The following WDR1 variants were observed in gnomAD, a reference collection of about 807,000 sequenced individuals.
WDR1 encodes the protein WD repeat-containing protein 1.
In WDR1, 21 loss-of-function variants were observed where a neutral mutation model predicts 71.9. The observed-to-expected ratio is 0.29, with a 90% CI of 0.21 to 0.42. The LOEUF (loss-of-function observed/expected upper bound fraction) is 0.42, where lower values mean the gene tolerates loss of function less well. Ranked by LOEUF, WDR1 falls within the 10% of genes least tolerant of loss-of-function variation. The pLI is 1.00. For missense variants in WDR1, 696 were observed against 824.5 expected (o/e 0.84, Z 1.91); for synonymous variants, 424 against 347.4 (o/e 1.22, Z -2.45).
chr4:10,115,824 C>G, intron 2 of WDR1: 2 of 367,030 alleles, frequency 5.4e-6, no homozygotes, highest in Non-Finnish European at 5.1e-6. Flanking sequence ...CCAGGCCTGA[C>G]CGTGCTTAGC....
chr4:10,110,294 TAAC>T (rs952102696), intron 2 of WDR1, among the ~76,000 whole-genome samples: 1 of 152,144 alleles, frequency 6.6e-6, no homozygotes, highest in African/African-American at 2.4e-5. Context: ...CAGCTGTCCC[TAAC>T]AAGGGCCTTG....
At chr4:10,093,043 C>T (rs1712100043) in intron 5 of WDR1, 3 of 1,289,080 alleles carry the variant, frequency 2.3e-6, no homozygotes, top group Non-Finnish European at 3.0e-6. Context: ...TCCCTCTCAC[C>T]ACCGAGGAAA....
chr4:10,104,455 G>C (rs1712900651), intron 2 of WDR1, among the ~76,000 whole-genome samples: 1 of 152,186 alleles, frequency 6.6e-6, no homozygotes, highest in Non-Finnish European at 1.5e-5. Flanking sequence ...GCTGTGCTGT[G>C]CAGGAGCAGA....
rs1050478315 is a variant in WDR1 at position 10,093,231 on chromosome 4, C to T, written c.558+4480G>A. On this transcript the variant is annotated intron_variant, in intron 5 of 14. Transcript: ENST00000499869. ...CCATTCCCCCCAGCCTCAGCTGACC[C>T]TGTACACAAGAGGACCACAAGCCCA... is the stretch of plus-strand genomic sequence containing the variant. 1.0e-5 allele frequency: 11 copies of T among 1,094,794 alleles called. No individual in the cohort carries two copies. In the African/African-American group the frequency reaches 1.8e-4, roughly 18 times the overall value. The allele number at this position is 1,094,794 out of a possible 1,614,324, so 67.8% of individuals were successfully genotyped here.
At chr4:10,082,985 G>T in intron 10 of WDR1, 37 bp downstream of exon 10, 1 of 1,583,164 alleles carries the variant, frequency 6.3e-7, no homozygotes, top group Non-Finnish European at 8.6e-7. Flanking sequence ...GGGAGCTGAG[G>T]CTCATCCGGA....
chr4:10,110,197 A>G (rs1408780296), intron 2 of WDR1, among the ~76,000 whole-genome samples: 1 of 152,194 alleles, frequency 6.6e-6, no homozygotes, highest in African/African-American at 2.4e-5. Flanking sequence ...CCACAGGTCT[A>G]AGGAGCAGGC....
At chr4:10,109,169 C>CA (rs1266470855) in intron 2 of WDR1, among the ~76,000 whole-genome samples, 1 of 152,268 alleles carries the variant, frequency 6.6e-6, no homozygotes, top group Non-Finnish European at 1.5e-5. Flanking sequence ...TCCCACATGA[C>CA]AAAGAAACCA....
At chr4:10,091,595 A>G (rs923443823) in intron 5 of WDR1, 1 of 152,344 alleles carries the variant, frequency 6.6e-6, no homozygotes, top group African/African-American at 2.4e-5. Flanking sequence ...GGCCTTGGGC[A>G]GCTGCTCAGC....
chr4:10,078,341 C>T (rs181260626), intron 12 of WDR1, among the ~76,000 whole-genome samples: 28 of 152,324 alleles, frequency 1.8e-4, no homozygotes, highest in African/African-American at 6.5e-4. Context: ...TTCTACAGAG[C>T]ACTCAGGACT....
At chr4:10,100,942 G>A (rs1250185521) in intron 3 of WDR1, among the ~76,000 whole-genome samples, 2 of 152,224 alleles carry the variant, frequency 1.3e-5, no homozygotes, top group East Asian at 3.9e-4. Flanking sequence ...GCCCATCCAG[G>A]GCCCATGCTG....
At position 10,083,022 on chromosome 4, in the gene WDR1, C is replaced by G; in HGVS notation, c.1196G>C (p.Ser399Thr). ...RYTSLMLRDY[S>T]GQGVVKLDVQ... is the part of the protein sequence containing the mutation. ...CCCCCGCAGACCCGAGTGCTCTCAC[C>G]TGTAGTCCCGCAGCATGAGGCTGGT... is the stretch of plus-strand genomic sequence containing the variant. Residue 399 changes from serine (S) to threonine (T), a missense_variant and splice_region_variant, in exon 10 of 15, where the codon AGC becomes ACC. By Grantham distance (58) the Ser-to-Thr change is moderately conservative. Coordinates refer to ENST00000499869, the MANE Select transcript of WDR1 (RefSeq NM_017491.5). The G allele has an allele frequency of 6.2e-7, 1 of 1,611,246 alleles. No individual in the cohort carries two copies. Among genetic ancestry groups the G allele is most frequent in the South Asian group, 1.1e-5 (1 of 90,940 alleles).
intron 2 of WDR1, among the ~76,000 whole-genome samples, chr4:10,104,356 T>A (rs949550085): frequency 6.6e-6 from 1 of 152,218 alleles, no homozygotes; most frequent in Admixed American, 6.5e-5. Context: ...TGTGGGAAGC[T>A]GCATTCATTC....
chr4:10,080,921 T>A (rs536456535), intron 11 of WDR1, among the ~76,000 whole-genome samples: 19 of 152,290 alleles, frequency 1.2e-4, no homozygotes, highest in Admixed American at 2.0e-4. Context: ...ATCACCTGGA[T>A]CTGTGAGTGC....
At chr4:10,096,874 T>C (rs1712379048) in intron 5 of WDR1, among the ~76,000 whole-genome samples, 1 of 152,184 alleles carries the variant, frequency 6.6e-6, no homozygotes, top group South Asian at 2.1e-4. Flanking sequence ...AATGTGCATT[T>C]CCGGGTCCAT....
intron 5 of WDR1, among the ~76,000 whole-genome samples, chr4:10,091,069 G>T (rs1341623151): frequency 6.6e-6 from 1 of 152,234 alleles, no homozygotes; most frequent in African/African-American, 2.4e-5. Context: ...GTGCTGCAAG[G>T]CTTGGCCAGG....
rs748160783 is a variant in WDR1 at position 10,077,917 on chromosome 4, C to T, written c.1405G>A (p.Val469Ile). 9.3e-6 allele frequency: 15 copies of T among 1,605,646 alleles called. No homozygotes were observed. Among genetic ancestry groups the T allele is most frequent in the African/African-American group, 5.3e-5 (4 of 74,900 alleles). The change falls in exon 13 of 15, where the codon GTC becomes ATC. Residue 469 changes from valine (V) to isoleucine (I), a missense_variant. By Grantham distance (29) the Val-to-Ile change is conservative (BLOSUM62 3). Transcript: ENST00000499869. ...TVAIGGVDGNVRLYSILGTTL... is the reference protein window; with the variant it reads ...TVAIGGVDGNIRLYSILGTTL... Reference sequence around the variant, plus strand: ...GTGCCCAGGATGGAATACAGGCGGACGTTGCCGTCCTACGGCAGGGACAGA... The same window carrying T: ...GTGCCCAGGATGGAATACAGGCGGATGTTGCCGTCCTACGGCAGGGACAGA...
At chr4:10,103,824 CAGCTTCGCCCTGGGCCCTG>C in intron 3 of WDR1, 53 bp downstream of exon 3, 1 of 1,345,548 alleles carries the variant, frequency 7.4e-7, no homozygotes, top group Non-Finnish European at 1.0e-6. Context: ...GCCAGAAGCC[CAGCTTCGCCCTGGGCCCTG>C]AGCGCCACCC....
At chr4:10,081,043 G>A (rs1764995044) in intron 11 of WDR1, among the ~76,000 whole-genome samples, 1 of 152,210 alleles carries the variant, frequency 6.6e-6, no homozygotes, top group South Asian at 2.1e-4. Flanking sequence ...CCACCCCACA[G>A]GGTATCTCAT....
At chr4:10,088,789 C>G in intron 5 of WDR1, 48 bp from the exon 6 acceptor site, 3 of 1,436,776 alleles carry the variant, frequency 2.1e-6, no homozygotes, top group South Asian at 1.2e-5. Context: ...AGGCCTGACT[C>G]TAGGTTCAAG....
Sources: allele counts gnomAD v4.1 joint callset (sites outside exome capture counted in the v4.1 genomes callset), GRCh38; gene constraint gnomAD v4.1.1; transcripts MANE v1.5; gene names NCBI Gene and HGNC (gene_info 2026-07-23, HGNC 2026-07-21).